The following NMB variants were observed in gnomAD, a reference collection of about 807,000 sequenced individuals.
The protein encoded by NMB is neuromedin B, also known as neuromedin-B.
A neutral mutation model predicts 11.7 loss-of-function variants in NMB; 12 were observed. The ratio of observed to expected loss-of-function variants is 1.03; its 90% CI spans 0.66 to 1.66. The LOEUF is 1.66. Ranked by LOEUF, NMB falls within the 40% of genes most tolerant of loss-of-function variation. The probability of loss-of-function intolerance (pLI) is 0.00; values close to 1 mark genes in which losing one functional copy is unlikely to be tolerated. For synonymous variants in NMB, 76 were observed against 72.6 expected (o/e 1.05, Z -0.24); for missense variants, 174 against 157.9 (o/e 1.10, Z -0.55).
In NMB at chr15:84,657,167, C is replaced by T; in HGVS notation, c.330+9G>A. The T allele has an allele frequency of 3.7e-6, 6 of 1,606,352 alleles. No individual in the cohort carries two copies. The highest frequency in any genetic ancestry group is 5.1e-6 in the Non-Finnish European group (6 of 1,177,906). ...GCCCTCCTGACATTGGAGCAGGGGC[C>T]CGGCTCACCTGGATTTGGGGTGCGG... On this transcript the variant is annotated intron_variant, in intron 2 of 2. Transcript: ENST00000360476.
intron 2 of NMB, 76 bp downstream of exon 2, chr15:84,657,100 G>T (rs1159116444): frequency 3.7e-6 from 5 of 1,367,602 alleles, no homozygotes; most frequent in Non-Finnish European, 5.0e-6. Context: ...AGTACTGGGT[G>T]GTAATTCCTC....
chr15:84,658,060 G>A lies in NMB; in HGVS notation c.93C>T (p.Leu31=), dbSNP rs1455434749. 21 of 1,590,278 alleles carry A rather than the reference G, an allele frequency of 1.3e-5. No homozygotes were observed. The highest frequency in any genetic ancestry group is 2.4e-5 in the East Asian group (1 of 41,592). Residue 31 remains leucine, a synonymous_variant, in exon 1 of 3, where the codon CTC becomes CTT. Coordinates refer to ENST00000360476, the MANE Select transcript of NMB (RefSeq NM_021077.4). The part of the protein sequence containing the change: ...AAGVAPLSWD[L]PEPRSRASKI... ...TGCTGGCTCGGCTGCGGGGCTCCGG[G>A]AGATCCCAGCTGAGCGGGGCGACGC... is the stretch of plus-strand genomic sequence containing the variant.
intron 2 of NMB, 83 bp from the exon 3 acceptor site, chr15:84,655,492 A>T: frequency 6.4e-7 from 1 of 1,572,098 alleles, no homozygotes; most frequent in Non-Finnish European, 8.7e-7. Flanking sequence ...TAAGTGCCAG[A>T]TGTCTGCAGA....
chr15:84,657,851 A>C (rs1314787082), intron 1 of NMB, 145 bp downstream of exon 1: 1 of 939,908 alleles, frequency 1.1e-6, no homozygotes, highest in African/African-American at 1.8e-5. Context: ...TCTCAAGTAC[A>C]TATCTATTAA....
chr15:84,657,616 T>C (rs906169826), intron 1 of NMB, among the ~76,000 whole-genome samples: 4 of 152,088 alleles, frequency 2.6e-5, no homozygotes, highest in Non-Finnish European at 5.9e-5. Context: ...ACTCTGCTAG[T>C]TGTGTGGGCT....
chr15:84,657,971 G>A, intron 1 of NMB, 25 bp downstream of exon 1: 1 of 1,585,246 alleles, frequency 6.3e-7, no homozygotes, highest in African/African-American at 1.4e-5. Context: ...AGGGGCGCTT[G>A]CTTGCTCCGT....
intron 2 of NMB, 80 bp downstream of exon 2, chr15:84,657,096 G>A: frequency 7.5e-7 from 1 of 1,330,134 alleles, no homozygotes; most frequent in Non-Finnish European, 1.0e-6. Flanking sequence ...ATACAGTACT[G>A]GGTGGTAATT....
chr15:84,655,293 C>A lies in NMB; in HGVS notation c.*81G>T. 1 of 1,610,670 alleles carries A rather than the reference C, an allele frequency of 6.2e-7. No homozygotes were observed. Among genetic ancestry groups the A allele is most frequent in the Non-Finnish European group, 8.5e-7 (1 of 1,177,994 alleles). On this transcript the variant is annotated 3_prime_UTR_variant, in exon 3 of 3. Coordinates refer to ENST00000360476, the MANE Select transcript of NMB (RefSeq NM_021077.4). ...GCTCAGGATTTACATCCAGATGGGG[C>A]CATCAACAGGGTCCCATTCAGCACC...
At position 84,658,064 on chromosome 15, in the gene NMB, T is replaced by A. The variant is rs1424029686; in HGVS notation, c.89A>T (p.Asp30Val). 1 of 1,587,332 alleles carries A rather than the reference T, an allele frequency of 6.3e-7. No individual in the cohort carries two copies. The highest frequency in any genetic ancestry group is 1.7e-5 in the Admixed American group (1 of 57,670). The change falls in exon 1 of 3, where the codon GAT (aspartate) becomes GTT (valine). Residue 30 changes from aspartate (D) to valine (V), a missense_variant. Around this residue, in one of 2 missense-constraint regions of NMB, gnomAD observed 168 missense variants for 138.4 expected, o/e 1.21. Coordinates refer to ENST00000360476, the MANE Select transcript of NMB (RefSeq NM_021077.4). Reference sequence around the variant, plus strand: ...GGCTCGGCTGCGGGGCTCCGGGAGATCCCAGCTGAGCGGGGCGACGCCGGC... The same window carrying A: ...GGCTCGGCTGCGGGGCTCCGGGAGAACCCAGCTGAGCGGGGCGACGCCGGC... Reference protein sequence around the residue: ...LAAGVAPLSWDLPEPRSRASK... With the variant: ...LAAGVAPLSWVLPEPRSRASK...
intron 1 of NMB, 64 bp from the exon 2 acceptor site, chr15:84,657,412 T>C (rs1024321042): frequency 4.0e-5 from 55 of 1,362,910 alleles, no homozygotes; most frequent in Non-Finnish European, 2.7e-5. Context: ...AGAGGAAAAG[T>C]TCCTCATCTC....
intron 2 of NMB, among the ~76,000 whole-genome samples, chr15:84,655,760 C>T (rs763182415): frequency 1.3e-5 from 2 of 152,214 alleles, no homozygotes; most frequent in Admixed American, 1.3e-4. Context: ...TTCTGAGATT[C>T]TCTAGTTGGT....
In NMB at chr15:84,658,132, G is replaced by GC. The variant is rs984349564; in HGVS notation, c.20dup (p.Ala8ArgfsTer80). The GC allele has an allele frequency of 8.6e-6, 13 of 1,512,688 alleles. No individual in the cohort carries two copies. Among genetic ancestry groups the GC allele is most frequent in the African/African-American group, 5.8e-5 (4 of 69,416 alleles). 93.7% of individuals were successfully genotyped at this position (1,512,688 alleles called of 1,614,324 possible). ...GCAGGAGGCTGCCGAACATCCGAGC[G>GC]CCCCCCGCCCGCCGGGCCATGGCTG... is the stretch of plus-strand genomic sequence containing the variant. On this transcript the variant is annotated frameshift_variant, in exon 1 of 3. Transcript: ENST00000360476. LOFTEE classifies it high-confidence loss of function.
chr15:84,655,181 T>TAC lies in NMB; in HGVS notation c.*191_*192dup. On this transcript the variant is annotated 3_prime_UTR_variant, in exon 3 of 3. Transcript: ENST00000360476. Reference sequence around the variant, plus strand: ...ACCAATTCAACAGGGAAGCAGGAAATACAGCAGGAACATAATCTGTGTCTG... The same window carrying TAC: ...ACCAATTCAACAGGGAAGCAGGAAATACACAGCAGGAACATAATCTGTGTCTG... 1.4e-6 allele frequency: 2 copies of TAC among 1,429,432 alleles called. No individual in the cohort carries two copies. The allele number at this position is 1,429,432 out of a possible 1,614,324, so 88.5% of individuals were successfully genotyped here.
intron 2 of NMB, 110 bp downstream of exon 2, chr15:84,657,066 A>T (rs1345012431): frequency 1.6e-5 from 16 of 994,316 alleles, no homozygotes; most frequent in African/African-American, 3.4e-5. Flanking sequence ...ATAATGTCCT[A>T]GTCAGACAGT....
intron 2 of NMB, 21 bp from the exon 3 acceptor site, chr15:84,655,430 G>A (rs1033181513): frequency 2.2e-5 from 36 of 1,613,152 alleles, no homozygotes; most frequent in Non-Finnish European, 3.0e-5. Flanking sequence ...ACATACAGAA[G>A]AATTGAGCCA....
At position 84,655,193 on chromosome 15, in the gene NMB, A is replaced by G. The variant is rs933659810; in HGVS notation, c.*181T>C. On this transcript the variant is annotated 3_prime_UTR_variant, in exon 3 of 3. Coordinates refer to ENST00000360476, the MANE Select transcript of NMB (RefSeq NM_021077.4). ...GGGAAGCAGGAAATACAGCAGGAAC[A>G]TAATCTGTGTCTGCATCAGCGATAT... The G allele has an allele frequency of 2.0e-6, 3 of 1,482,278 alleles. No homozygotes were observed. Among genetic ancestry groups the G allele is most frequent in the Admixed American group, 4.2e-5 (2 of 47,224 alleles). The allele number at this position is 1,482,278 out of a possible 1,614,324, so 91.8% of individuals were successfully genotyped here.
At position 84,657,295 on chromosome 15, in the gene NMB, T is replaced by C; in HGVS notation, c.211A>G (p.Thr71Ala). The C allele has an allele frequency of 6.3e-7, 1 of 1,594,216 alleles. No individual in the cohort carries two copies. Among genetic ancestry groups the C allele is most frequent in the Non-Finnish European group, 8.5e-7 (1 of 1,169,980 alleles). The part of the protein sequence containing the change: ...LEPSSPSPLG[T>A]APHTSLRDQR... Reference sequence around the variant, plus strand: ...TCCCTCAGGGAGGTGTGGGGAGCTGTCCCCAATGGGGATGGGCTGGAAGGC... The same window carrying C: ...TCCCTCAGGGAGGTGTGGGGAGCTGCCCCCAATGGGGATGGGCTGGAAGGC... Residue 71 changes from threonine (T) to alanine (A), a missense_variant, in exon 2 of 3, where the codon ACA becomes GCA. By Grantham distance (58) the Thr-to-Ala change is moderately conservative. This residue lies in a region of NMB where 168 missense variants were observed against 138.4 expected (regional missense o/e 1.21). Coordinates refer to ENST00000360476, the MANE Select transcript of NMB (RefSeq NM_021077.4).
At position 84,657,239 on chromosome 15, in the gene NMB, G is replaced by A. The variant is rs764884425; in HGVS notation, c.267C>T (p.Leu89=). The A allele has an allele frequency of 1.2e-6, 2 of 1,611,248 alleles. No homozygotes were observed. The highest frequency in any genetic ancestry group is 1.7e-5 in the Admixed American group (1 of 59,588). The change falls in exon 2 of 3, where the codon CTC becomes CTT. Residue 89 remains leucine, a synonymous_variant. Transcript: ENST00000360476. The part of the protein sequence containing the change: ...DQRLQLSHDL[L]GILLLKKALG... ...GAGCCTTCTTTAGCAGGAGGATTCC[G>A]AGCAGATCATGACTCAGCTGCAGTC...
chr15:84,657,223 T>C lies in NMB; in HGVS notation c.283A>G (p.Lys95Glu), dbSNP rs761863632. 1 of 1,612,284 alleles carries C rather than the reference T, an allele frequency of 6.2e-7. No homozygotes were observed. The highest frequency in any genetic ancestry group is 1.3e-5 in the African/African-American group (1 of 74,896). Residue 95 changes from lysine to glutamate, a missense_variant, in exon 2 of 3, where the codon AAG becomes GAG. Around this residue, in one of 2 missense-constraint regions of NMB, gnomAD observed 168 missense variants for 138.4 expected, o/e 1.21. Transcript: ENST00000360476. ...CTGAGGCTCACGCCCAGAGCCTTCT[T>C]TAGCAGGAGGATTCCGAGCAGATCA... ...SHDLLGILLL[K>E]KALGVSLSRP...
Sources: gnomAD v4.1 joint callset for allele counts (sites outside exome capture counted in the v4.1 genomes callset) on GRCh38, gnomAD v4.1.1 for gene constraint, gnomAD v4.1.1 regional missense constraint, MANE v1.5 for transcripts, NCBI Gene and HGNC (gene_info 2026-07-23, HGNC 2026-07-21) for gene names.